The following AOX1 variants were observed in gnomAD, a reference collection of about 807,000 sequenced individuals.
AOX1 encodes aldehyde oxidase 1, also known as aldehyde oxidase.
AOX1 carries 153 observed loss-of-function variants against 169.5 expected under a neutral mutation model. The ratio of observed to expected loss-of-function variants is 0.90; its 90% CI spans 0.79 to 1.03. The LOEUF is 1.03. Ranked by LOEUF, AOX1 falls within the 50% of genes least tolerant of loss-of-function variation. AOX1 has a pLI of 0.00. For synonymous variants in AOX1, 562 were observed against 581.9 expected, an observed-to-expected ratio of 0.97 and a Z score of 0.49; for missense variants, 1,656 against 1,663.9, an observed-to-expected ratio of 1.00 and a Z score of 0.08.
At position 200,642,715 on chromosome 2, in the gene AOX1, C is replaced by T. The variant is rs866567689; in HGVS notation, c.2761C>T (p.Arg921Cys). ...RTNLPSNTAFRGFGFPQAALI... is the reference protein window; with the variant it reads ...RTNLPSNTAFCGFGFPQAALI... The stretch of plus-strand genomic sequence containing the variant: ...CAACCTTCCATCCAACACAGCTTTT[C>T]GTGGGTTTGGCTTTCCTCAGGCAGC... The change falls in exon 25 of 35, where the codon CGT (arginine) becomes TGT (cysteine). Residue 921 changes from arginine to cysteine, a missense_variant. Coordinates refer to ENST00000374700, the MANE Select transcript of AOX1 (RefSeq NM_001159.4). 5.6e-6 allele frequency: 9 copies of T among 1,614,048 alleles called. No homozygotes were observed. Among genetic ancestry groups the T allele is most frequent in the Non-Finnish European group, 6.8e-6 (8 of 1,180,022 alleles).
At chr2:200,648,483 G>A (rs191718933) in intron 25 of AOX1, among the ~76,000 whole-genome samples, 261 of 152,312 alleles carry the variant, frequency 1.7e-3, no homozygotes, top group African/African-American at 5.8e-3. Flanking sequence ...TGCCTGTTCC[G>A]GTGGAGGTGA....
intron 16 of AOX1, among the ~76,000 whole-genome samples, chr2:200,617,300 C>T (rs1574925292): frequency 6.6e-6 from 1 of 152,026 alleles, no homozygotes; most frequent in Non-Finnish European, 1.5e-5. Flanking sequence ...TCAGCACTCA[C>T]GAAGAGCATT....
intron 15 of AOX1, among the ~76,000 whole-genome samples, 166 bp downstream of exon 15, chr2:200,614,132 G>C (rs1344671859): frequency 6.6e-6 from 1 of 152,218 alleles, no homozygotes; most frequent in Non-Finnish European, 1.5e-5. Context: ...GGGTGGGTAT[G>C]AGTTTAGGGA....
intron 4 of AOX1, among the ~76,000 whole-genome samples, chr2:200,676,615 AAG>A (rs111521654): frequency 1.3e-3 from 184 of 140,200 alleles, no homozygotes; most frequent in African/African-American, 5.0e-3. Context: ...AAAAAAAAAA[AAG>A]AAGAAGAAGA....
intron 1 of AOX1, among the ~76,000 whole-genome samples, chr2:200,591,187 G>A (rs559691604): frequency 1.3e-3 from 203 of 152,266 alleles, no homozygotes; most frequent in Non-Finnish European, 2.3e-3. Flanking sequence ...ACCAAGCTCA[G>A]TGTTTGGCAT....
intron 26 of AOX1, among the ~76,000 whole-genome samples, chr2:200,652,803 G>A (rs1001861300): frequency 3.3e-5 from 5 of 152,156 alleles, no homozygotes; most frequent in African/African-American, 1.2e-4. Context: ...AGTGGCTCAC[G>A]CCTGTAATCC....
At chr2:200,589,523 G>A (rs2034125701) in intron 1 of AOX1, among the ~76,000 whole-genome samples, 1 of 152,158 alleles carries the variant, frequency 6.6e-6, no homozygotes, top group African/African-American at 2.4e-5. Flanking sequence ...TAATGTCGCT[G>A]AGCTTCTGTT....
chr2:200,609,790 C>T (rs1300318871), intron 12 of AOX1, among the ~76,000 whole-genome samples: 1 of 152,196 alleles, frequency 6.6e-6, no homozygotes, highest in East Asian at 1.9e-4. Context: ...CCACATCGTG[C>T]TTTGAGCTCA....
At chr2:200,611,195 A>G (rs1339718716) in intron 12 of AOX1, among the ~76,000 whole-genome samples, 189 bp from the exon 13 acceptor site, 2 of 152,336 alleles carry the variant, frequency 1.3e-5, no homozygotes, top group South Asian at 2.1e-4. Flanking sequence ...ACAAAAAGAG[A>G]TGGGGCCTAG....
In AOX1 at chr2:200,636,067, A is replaced by G. The variant is rs1020634170; in HGVS notation, c.2347-844A>G. On this transcript the variant is annotated intron_variant, in intron 21 of 34. Coordinates refer to ENST00000374700, the MANE Select transcript of AOX1 (RefSeq NM_001159.4). ...AAAAGAGTGAGATCTGCATCTAGGA[A>G]AGACCAACTGGTCATCTTTAGCAGC... 2.0e-5 allele frequency among the ~76,000 whole-genome samples: 3 copies of G among 151,302 alleles called. No homozygotes were observed. The South Asian group carries it at 6.3e-4, about 32-fold the overall frequency.
chr2:200,627,751 G>A (rs1185501668), intron 20 of AOX1, among the ~76,000 whole-genome samples: 2 of 152,136 alleles, frequency 1.3e-5, no homozygotes, highest in Admixed American at 1.3e-4. Flanking sequence ...CTGCAAGAGG[G>A]TATTATTATC....
chr2:200,659,052 C>A, intron 27 of AOX1, 113 bp from the exon 28 acceptor site: 1 of 1,010,256 alleles, frequency 9.9e-7, no homozygotes, highest in South Asian at 1.9e-5. Flanking sequence ...TGGTTCTGCT[C>A]CCTTGTCCCT....
At chr2:200,609,183 T>C (rs761093316) in intron 11 of AOX1, 48 bp downstream of exon 11, 3 of 1,604,850 alleles carry the variant, frequency 1.9e-6, no homozygotes, top group South Asian at 2.2e-5. Flanking sequence ...CTTGGGTGAC[T>C]CTCCCTGATG....
intron 33 of AOX1, 82 bp from the exon 34 acceptor site, chr2:200,669,493 A>G (rs191705963): frequency 3.0e-5 from 43 of 1,430,994 alleles, no homozygotes; most frequent in Admixed American, 4.2e-5. Flanking sequence ...ATATTTTTAT[A>G]TATGCACATA....
rs2035197895 is a variant in AOX1, at chr2:200,634,802, A to T, written c.2233A>T (p.Met745Leu). The part of the protein sequence containing the change: ...VDQILEGEIH[M>L]GGQEHFYMET... ...TTTTCCTGTAACAGGTGAAATACAT[A>T]TGGGAGGTCAAGAACATTTTTATAT... The change falls in exon 21 of 35, where the codon ATG (methionine) becomes TTG (leucine). Residue 745 changes from methionine (M) to leucine (L), a missense_variant. Transcript: ENST00000374700. The T allele has an allele frequency of 6.2e-7, 1 of 1,613,888 alleles. No individual in the cohort carries two copies. The highest frequency in any genetic ancestry group is 1.7e-5 in the Admixed American group (1 of 59,988).
downstream of AOX1, among the ~76,000 whole-genome samples, chr2:200,672,763 T>C (rs2036046798): frequency 6.6e-6 from 1 of 152,052 alleles, no homozygotes; most frequent in East Asian, 1.9e-4. Context: ...GGTGGCAGGT[T>C]GTGGTTAGAA....
At chr2:200,628,563 A>G (rs1272387386) in intron 20 of AOX1, among the ~76,000 whole-genome samples, 1 of 152,198 alleles carries the variant, frequency 6.6e-6, no homozygotes, top group Non-Finnish European at 1.5e-5. Flanking sequence ...ATCTCAGAGC[A>G]GAGAAATCAT....
In AOX1 at chr2:200,634,832, A is replaced by G; in HGVS notation, c.2263A>G (p.Thr755Ala). ...AGGTCAAGAACATTTTTATATGGAA[A>G]CCCAAAGCATGCTTGTCGTTCCCAA... ...MGGQEHFYME[T>A]QSMLVVPKGE... is the part of the protein sequence containing the mutation. Residue 755 changes from threonine to alanine, a missense_variant, in exon 21 of 35, where the codon ACC (threonine) becomes GCC (alanine). By Grantham distance (58) the Thr-to-Ala change is moderately conservative (BLOSUM62 0). Transcript: ENST00000374700. 6.2e-7 allele frequency: 1 copy of G among 1,614,072 alleles called. No individual in the cohort carries two copies. Among genetic ancestry groups the G allele is most frequent in the Non-Finnish European group, 8.5e-7 (1 of 1,179,972 alleles).
At chr2:200,660,477 C>T (rs973902619) in intron 29 of AOX1, among the ~76,000 whole-genome samples, 1 of 152,034 alleles carries the variant, frequency 6.6e-6, no homozygotes, top group Non-Finnish European at 1.5e-5. Flanking sequence ...TATAAGCACT[C>T]GTTTAGAAAT....
Sources: allele counts gnomAD v4.1 joint callset (sites outside exome capture counted in the v4.1 genomes callset), GRCh38; gene constraint gnomAD v4.1.1; transcripts MANE v1.5; gene names NCBI Gene and HGNC (gene_info 2026-07-23, HGNC 2026-07-21).